Variants in GNAL observed in about 807,000 individuals in gnomAD.
GNAL encodes the protein guanine nucleotide-binding protein G(olf) subunit alpha.
In GNAL, 18 loss-of-function variants were observed where a neutral mutation model predicts 55.1. The observed-to-expected ratio is 0.33, with a 90% confidence interval of 0.23 to 0.48. GNAL has a LOEUF of 0.48. Among genes scored for constraint, GNAL ranks in the 20% least tolerant of loss-of-function variants. The probability of loss-of-function intolerance (pLI) is 0.99; values close to 1 mark genes in which losing one functional copy is unlikely to be tolerated. For synonymous variants in GNAL, 253 were observed against 237.0 expected, an observed-to-expected ratio of 1.07 and a Z score of -0.62; for missense variants, 412 against 614.1, an observed-to-expected ratio of 0.67 and a Z score of 3.48.
chr18:11,798,970 G>A (rs1478982448), intron 4 of GNAL, among the ~76,000 whole-genome samples: 1 of 151,998 alleles, frequency 6.6e-6, no homozygotes, highest in Non-Finnish European at 1.5e-5. Flanking sequence ...AAAATTAGCT[G>A]TGCACGGTGA....
chr18:11,771,568 T>A (rs1055463597), intron 4 of GNAL, among the ~76,000 whole-genome samples: 6 of 152,224 alleles, frequency 3.9e-5, no homozygotes, highest in Non-Finnish European at 7.4e-5. Flanking sequence ...AAGGGGAAGG[T>A]GGACACAGCC....
At chr18:11,864,457 G>A (rs553941049) in intron 6 of GNAL, 76 bp from the exon 7 acceptor site, 1 of 801,668 alleles carries the variant, frequency 1.2e-6, no homozygotes, top group African/African-American at 1.7e-5. Context: ...TATTGATGAG[G>A]TATAGTTATA....
chr18:11,867,790 C>T (rs2036298483), intron 8 of GNAL, among the ~76,000 whole-genome samples: 1 of 147,974 alleles, frequency 6.8e-6, no homozygotes. Context: ...GCAGTCCGGC[C>T]TGGGCAAAAG....
Position 11,794,480 on chromosome 18 carries a change from A to G in GNAL, c.625-30438A>G, listed in dbSNP as rs558393569. Among the ~76,000 whole-genome samples, 8 of 152,322 alleles carry G rather than the reference A, an allele frequency of 5.3e-5. No individual in the cohort carries two copies. The South Asian group carries it at 1.7e-3, about 32-fold the overall frequency. The stretch of plus-strand genomic sequence containing the variant: ...TGCTAAGTGACAGAAGCTAGATGTG[A>G]AAGGCCACATATTGTAATTCCAAGC... On this transcript the variant is annotated intron_variant, in intron 4 of 11. Transcript: ENST00000334049.
intron 5 of GNAL, among the ~76,000 whole-genome samples, chr18:11,846,684 CTGT>C (rs1246285644): frequency 2.0e-5 from 3 of 151,764 alleles, no homozygotes; most frequent in Admixed American, 2.0e-4. Flanking sequence ...CTTGTCCAGG[CTGT>C]TGTTAACATA....
At chr18:11,818,311 A>C (rs12962767) in intron 4 of GNAL, among the ~76,000 whole-genome samples, 100,339 of 152,044 alleles carry the variant, frequency 0.66, 35,832 homozygotes, top group Admixed American at 0.8. Context: ...TACCTGAAAA[A>C]AGAAACAACG....
At chr18:11,796,579 A>AAAAAAAAAAAAAAAC (rs2034389251) in intron 4 of GNAL, among the ~76,000 whole-genome samples, 1 of 147,102 alleles carries the variant, frequency 6.8e-6, no homozygotes, top group African/African-American at 2.6e-5. Context: ...TTCTCACAAA[A>AAAAAAAAAAAAAAAC]AAAAAAAAAA....
intron 4 of GNAL, among the ~76,000 whole-genome samples, chr18:11,801,662 G>A (rs148318580): frequency 3.9e-5 from 6 of 152,246 alleles, no homozygotes; most frequent in East Asian, 1.9e-4. Flanking sequence ...TGAGAGGTGC[G>A]GATGGTTGGA....
chr18:11,820,833 C>T (rs185806068), intron 4 of GNAL, among the ~76,000 whole-genome samples: 8 of 152,330 alleles, frequency 5.3e-5, no homozygotes, highest in Admixed American at 3.3e-4. Context: ...ATTGTTGTCG[C>T]TTTTGTGTTT....
chr18:11,864,376 A>G (rs1474576951), intron 6 of GNAL, among the ~76,000 whole-genome samples, 157 bp from the exon 7 acceptor site: 2 of 152,196 alleles, frequency 1.3e-5, no homozygotes, highest in African/African-American at 2.4e-5. Flanking sequence ...TACAGGCGTG[A>G]GTCACCATGC....
chr18:11,797,286 G>A (rs924078331), intron 4 of GNAL, among the ~76,000 whole-genome samples: 2 of 151,994 alleles, frequency 1.3e-5, no homozygotes, highest in Non-Finnish European at 2.9e-5. Flanking sequence ...TTGCTATATT[G>A]TTTCTTTGGA....
In GNAL at chr18:11,752,328, G is replaced by A. The variant is rs2032873162; in HGVS notation, c.377-525G>A. ...CGAAGAGACCAGACCATCTCTTTCA[G>A]CAGCAGGAAAGAGAGGAGCCGTCGC... On this transcript the variant is annotated intron_variant, in intron 1 of 11. Coordinates refer to ENST00000334049, the MANE Select transcript of GNAL (RefSeq NM_182978.4). The surrounding 1 kb of genome is among the most constrained non-coding windows in gnomAD (Gnocchi z 4.5). The A allele has an allele frequency of 6.8e-7, 1 of 1,478,522 alleles. No individual in the cohort carries two copies. The highest frequency in any genetic ancestry group is 1.5e-5 in the African/African-American group (1 of 68,414). The allele number at this position is 1,478,522 out of a possible 1,614,324, so 91.6% of individuals were successfully genotyped here.
chr18:11,832,846 G>C (rs1158930432), intron 5 of GNAL, among the ~76,000 whole-genome samples: 2 of 151,868 alleles, frequency 1.3e-5, no homozygotes, highest in East Asian at 3.9e-4. Flanking sequence ...GGTGACAAGA[G>C]TGAAACTCCA....
At chr18:11,855,913 G>A (rs58273499) in intron 5 of GNAL, among the ~76,000 whole-genome samples, 8,735 of 150,882 alleles carry the variant, frequency 0.058, 682 homozygotes, top group African/African-American at 0.13. Context: ...TGGAGGTTGC[G>A]GTGAGCCGAG....
intron 5 of GNAL, among the ~76,000 whole-genome samples, chr18:11,831,577 T>G (rs890210669): frequency 1.3e-5 from 2 of 152,196 alleles, no homozygotes; most frequent in East Asian, 1.9e-4. Context: ...CTCCTGAGGA[T>G]CTGGAAGCTG....
chr18:11,793,961 G>C (rs974389205), intron 4 of GNAL, among the ~76,000 whole-genome samples: 2 of 150,110 alleles, frequency 1.3e-5, no homozygotes, highest in African/African-American at 4.9e-5. Context: ...TTTATCCAGA[G>C]AATATATGCA....
rs145708820 is a variant in GNAL at position 11,721,633 on chromosome 18, G to A, written c.377-31220G>A. On this transcript the variant is annotated intron_variant, in intron 1 of 11. Coordinates refer to ENST00000334049, the MANE Select transcript of GNAL (RefSeq NM_182978.4). Reference sequence around the variant, plus strand: ...TAGCCAGGCATGGTGGCAGGTACTTGTAATCCCAGCTACTCTGGAGGCTGA... The same window carrying A: ...TAGCCAGGCATGGTGGCAGGTACTTATAATCCCAGCTACTCTGGAGGCTGA... Among the ~76,000 whole-genome samples the A allele has an allele frequency of 5.2e-3, 787 of 152,180 alleles. 6 individuals carry two copies. Among genetic ancestry groups the A allele is most frequent in the African/African-American group, 0.018 (751 of 41,532 alleles).
At chr18:11,775,479 C>A (rs1338603597) in intron 4 of GNAL, among the ~76,000 whole-genome samples, 1 of 152,226 alleles carries the variant, frequency 6.6e-6, no homozygotes, top group Non-Finnish European at 1.5e-5. Context: ...GATACGTGGC[C>A]CGTGTCACAC....
At chr18:11,852,088 G>T in intron 5 of GNAL, 2 of 1,605,472 alleles carry the variant, frequency 1.2e-6, no homozygotes, top group Non-Finnish European at 1.7e-6. Flanking sequence ...TCAGAGACTG[G>T]CCCGCCTTCG....
Sources: allele counts gnomAD v4.1 joint callset (sites outside exome capture counted in the v4.1 genomes callset), GRCh38; gene constraint gnomAD v4.1.1; non-coding constraint Gnocchi (gnomAD v3.1); transcripts MANE v1.5; gene names NCBI Gene and HGNC (gene_info 2026-07-23, HGNC 2026-07-21).